UNC13C: variants seen among roughly 807,000 people sequenced by gnomAD.
UNC13C encodes the protein unc-13 homolog C.
UNC13C carries 174 observed loss-of-function variants against 245.4 expected under a neutral mutation model. The ratio of observed to expected loss-of-function variants is 0.71; its 90% CI spans 0.63 to 0.80. UNC13C has a LOEUF of 0.80. Among genes scored for constraint, UNC13C ranks in the 30% least tolerant of loss-of-function variants. The pLI is 0.00. For synonymous variants in UNC13C, 992 were observed against 895.1 expected (o/e 1.11, Z -1.93); for missense variants, 2,829 against 2,602.9 (o/e 1.09, Z -1.89).
chr15:54,611,890 C>A (rs1365963369), intron 30 of UNC13C, among the ~76,000 whole-genome samples: 1 of 152,026 alleles, frequency 6.6e-6, no homozygotes, highest in Admixed American at 6.6e-5. Context: ...CAGGCTTACA[C>A]ACAATTATGT....
At chr15:53,858,372 T>TTTA in the UNC13C span, among the ~76,000 whole-genome samples, 6 of 152,108 alleles carry the variant, frequency 3.9e-5, no homozygotes, top group African/African-American at 1.4e-4. Context: ...TACAGTTGTG[T>TTTA]ATTCATTATC....
intron 30 of UNC13C, among the ~76,000 whole-genome samples, chr15:54,616,384 CA>C (rs1900431283): frequency 6.8e-6 from 1 of 147,752 alleles, no homozygotes; most frequent in Non-Finnish European, 1.5e-5. Context: ...AATAACATAA[CA>C]CCACACATGT....
intron 4 of UNC13C, among the ~76,000 whole-genome samples, chr15:54,219,290 T>C (rs1279021801): frequency 2.7e-5 from 4 of 150,574 alleles, no homozygotes; most frequent in East Asian, 3.9e-4. Context: ...TCAGAAATAA[T>C]GCCACATATC....
intron 19 of UNC13C, among the ~76,000 whole-genome samples, chr15:54,459,527 C>T (rs1371184950): frequency 6.6e-6 from 1 of 152,156 alleles, no homozygotes; most frequent in East Asian, 1.9e-4. Flanking sequence ...CGCAGGAACA[C>T]CAATTATTCT....
chr15:54,368,146 A>G (rs2039407286), intron 17 of UNC13C, among the ~76,000 whole-genome samples: 1 of 152,074 alleles, frequency 6.6e-6, no homozygotes, highest in South Asian at 2.1e-4. Context: ...ATTACTAGCC[A>G]GAGTTTCTTA....
At chr15:54,247,550 T>C (rs1159789913) in intron 7 of UNC13C, among the ~76,000 whole-genome samples, 3 of 152,142 alleles carry the variant, frequency 2.0e-5, no homozygotes, top group Non-Finnish European at 4.4e-5. Flanking sequence ...TTTTCAGCTT[T>C]GATAAATACA....
At chr15:54,615,461 G>A (rs189205186) in intron 30 of UNC13C, among the ~76,000 whole-genome samples, 1 of 152,014 alleles carries the variant, frequency 6.6e-6, no homozygotes, top group East Asian at 1.9e-4. Flanking sequence ...ACATCCTGAT[G>A]CTCTCATCCT....
chr15:54,377,835 T>A (rs796931307), intron 17 of UNC13C, among the ~76,000 whole-genome samples: 6 of 152,306 alleles, frequency 3.9e-5, no homozygotes, highest in African/African-American at 1.2e-4. Flanking sequence ...CTCTTAATAG[T>A]ATTGCATTGG....
chr15:54,599,525 C>G (rs1301649396), intron 30 of UNC13C, among the ~76,000 whole-genome samples: 1 of 152,002 alleles, frequency 6.6e-6, no homozygotes, highest in African/African-American at 2.4e-5. Context: ...TCCAGTAAGA[C>G]TATCCAAGTT....
chr15:54,593,047 A>C (rs546096479), intron 30 of UNC13C, among the ~76,000 whole-genome samples: 4 of 152,106 alleles, frequency 2.6e-5, no homozygotes, highest in South Asian at 2.1e-4. Flanking sequence ...GAAAATAACT[A>C]TCTCTCCTTC....
At chr15:54,395,137 G>A (rs543779082) in intron 18 of UNC13C, among the ~76,000 whole-genome samples, 13 of 151,612 alleles carry the variant, frequency 8.6e-5, no homozygotes, top group Non-Finnish European at 1.8e-4. Context: ...TTTTAAGGAT[G>A]CTGTAAAACT....
At chr15:53,847,782 A>G in the UNC13C span, among the ~76,000 whole-genome samples, 8 of 152,160 alleles carry the variant, frequency 5.3e-5, no homozygotes, top group African/African-American at 1.9e-4. Flanking sequence ...ATGAAATAGT[A>G]AGGTTAAACA....
intron 7 of UNC13C, among the ~76,000 whole-genome samples, chr15:54,245,533 T>C (rs543766133): frequency 6.6e-6 from 1 of 152,298 alleles, no homozygotes; most frequent in East Asian, 1.9e-4. Flanking sequence ...TTTTAGCTCC[T>C]ATAGTCAATC....
At chr15:54,398,436 T>C (rs1596324699) in intron 18 of UNC13C, among the ~76,000 whole-genome samples, 1 of 151,466 alleles carries the variant, frequency 6.6e-6, no homozygotes, top group Middle Eastern at 3.4e-3. Flanking sequence ...TTTTTCTGTC[T>C]TTTATATCAA....
chr15:54,511,859 A>G (rs752745823), intron 24 of UNC13C, 29 bp downstream of exon 24: 18 of 1,518,710 alleles, frequency 1.2e-5, no homozygotes, highest in Non-Finnish European at 1.6e-5. Context: ...TACATTTGCT[A>G]AAAACCTACT....
At chr15:54,300,481 T>C (rs1596173735) in intron 13 of UNC13C, 108 bp downstream of exon 13, 6 of 1,144,884 alleles carry the variant, frequency 5.2e-6, no homozygotes, top group African/African-American at 3.1e-5. Flanking sequence ...AAAAAGAGGA[T>C]TATATTTCAC....
intron 2 of UNC13C, among the ~76,000 whole-genome samples, chr15:54,080,852 T>C (rs1487449205): frequency 6.6e-6 from 1 of 152,084 alleles, no homozygotes; most frequent in Non-Finnish European, 1.5e-5. Context: ...TTGCTAACTT[T>C]GCATTTGGTT....
At chr15:54,194,270 G>C (rs1470613847) in intron 4 of UNC13C, among the ~76,000 whole-genome samples, 1 of 152,064 alleles carries the variant, frequency 6.6e-6, no homozygotes, top group African/African-American at 2.4e-5. Flanking sequence ...AAGGTTCTTA[G>C]GCAAATGCTG....
intron 13 of UNC13C, among the ~76,000 whole-genome samples, chr15:54,313,843 G>A (rs921368716): frequency 1.3e-5 from 2 of 151,656 alleles, no homozygotes; most frequent in East Asian, 3.9e-4. Flanking sequence ...GTTCATTGCA[G>A]CATTAGTCAC....
Sources: gnomAD v4.1 joint callset for allele counts (sites outside exome capture counted in the v4.1 genomes callset) on GRCh38, gnomAD v4.1.1 for gene constraint, MANE v1.5 for transcripts, NCBI Gene and HGNC (gene_info 2026-07-23, HGNC 2026-07-21) for gene names.